DTD1: variants seen among roughly 807,000 people sequenced by gnomAD.
The protein encoded by DTD1 is D-aminoacyl-tRNA deacylase 1, also known as D-tyrosyl-tRNA deacylase 1 homolog.
DTD1 carries 13 observed loss-of-function variants against 25.6 expected under a neutral mutation model. The ratio of observed to expected loss-of-function variants is 0.51; its 90% CI spans 0.33 to 0.81. The LOEUF is 0.81. DTD1 is among the 30% of genes least tolerant of loss of function. The pLI, the probability that DTD1 is intolerant of heterozygous loss-of-function variation, is 0.02. For missense variants in DTD1, 193 were observed against 266.4 expected, an observed-to-expected ratio of 0.72 and a Z score of 1.92; for synonymous variants, 110 against 103.6, an observed-to-expected ratio of 1.06 and a Z score of -0.37.
At chr20:18,632,569 A>T (rs2060792693) in intron 4 of DTD1, 2 of 985,396 alleles carry the variant, frequency 2.0e-6, no homozygotes, top group African/African-American at 3.5e-5. Flanking sequence ...TGATAGATAA[A>T]CACGTGTTTC....
intron 4 of DTD1, among the ~76,000 whole-genome samples, chr20:18,666,999 A>T (rs2060933840): frequency 6.6e-6 from 1 of 152,192 alleles, no homozygotes; most frequent in Non-Finnish European, 1.5e-5. Flanking sequence ...CTAAAGCAGC[A>T]GCCAGCCAAA....
rs200694711 is a variant in DTD1 at position 18,759,135 on chromosome 20, C to A, written c.*20-4225C>A. 2.8e-4 allele frequency among the ~76,000 whole-genome samples: 42 copies of A among 152,276 alleles called. No individual in the cohort carries two copies. In the East Asian group the frequency reaches 5.2e-3, roughly 19 times the overall value. On this transcript the variant is annotated intron_variant, in intron 5 of 5. Transcript: ENST00000377452. ...TATTTTGAGCATATGTGTGTCTCTG[C>A]ACGTGAGATGGGTTTCCTGAATACA...
At chr20:18,623,085 G>A (rs1255472939) in intron 3 of DTD1, among the ~76,000 whole-genome samples, 4 of 151,876 alleles carry the variant, frequency 2.6e-5, no homozygotes, top group East Asian at 1.9e-4. Flanking sequence ...GAGTACAGGC[G>A]TATGCCACCA....
intron 4 of DTD1, among the ~76,000 whole-genome samples, chr20:18,652,313 C>T (rs534023871): frequency 3.4e-4 from 52 of 152,248 alleles, no homozygotes; most frequent in African/African-American, 1.2e-3. Context: ...TTTTCTAAAG[C>T]AATAAAAGAA....
intron 4 of DTD1, among the ~76,000 whole-genome samples, chr20:18,729,309 GT>G (rs1161780569): frequency 1.3e-5 from 2 of 152,222 alleles, no homozygotes; most frequent in Non-Finnish European, 2.9e-5. Context: ...GTTCATGACA[GT>G]TTTGTCGTGG....
chr20:18,708,284 A>ATTTT lies in DTD1; in HGVS notation c.478-35814_478-35813insTTTT, dbSNP rs1244588667. On this transcript the variant is annotated intron_variant, in intron 4 of 5. Coordinates refer to ENST00000377452, the MANE Select transcript of DTD1 (RefSeq NM_080820.6). Reference sequence around the variant, plus strand: ...TATATTTTATATATATATAATATATATTATATATATATAATATATATATTT... The same window carrying ATTTT: ...TATATTTTATATATATATAATATATATTTTTTATATATATATAATATATATATTT... Among the ~76,000 whole-genome samples the ATTTT allele has an allele frequency of 1.7e-3, 34 of 20,334 alleles. 3 individuals are homozygous for ATTTT. Among genetic ancestry groups the ATTTT allele is most frequent in the Non-Finnish European group, 3.5e-3 (29 of 8,398 alleles). The allele number at this position is 20,334 out of a possible 152,430, so 13.3% of individuals were successfully genotyped here.
intron 4 of DTD1, among the ~76,000 whole-genome samples, chr20:18,684,488 T>C (rs570191763): frequency 9.5e-4 from 144 of 152,286 alleles, no homozygotes; most frequent in Non-Finnish European, 1.8e-3. Flanking sequence ...GGTTTCATCG[T>C]GTTGGCTAGG....
intron 5 of DTD1, among the ~76,000 whole-genome samples, chr20:18,760,759 A>G (rs2061358305): frequency 6.6e-6 from 1 of 152,180 alleles, no homozygotes; most frequent in African/African-American, 2.4e-5. Flanking sequence ...CTCTCTTCAA[A>G]GCTGTCAGAC....
At position 18,598,367 on chromosome 20, in the gene DTD1, C is replaced by T. The variant is rs188203559; in HGVS notation, c.370+2126C>T. The stretch of plus-strand genomic sequence containing the variant: ...GTGTAGGTGCCACGTTTTCTTTATC[C>T]AGTCTATCACTGATGGACATTTGGG... On this transcript the variant is annotated intron_variant, in intron 3 of 5. Transcript: ENST00000377452. Among the ~76,000 whole-genome samples, 528 of 152,284 alleles carry T rather than the reference C, an allele frequency of 3.5e-3. 3 individuals carry two copies. The highest frequency in any genetic ancestry group is 0.012 in the African/African-American group (498 of 41,542).
intron 4 of DTD1, among the ~76,000 whole-genome samples, chr20:18,700,210 C>A (rs375627980): frequency 6.6e-6 from 1 of 152,174 alleles, no homozygotes; most frequent in African/African-American, 2.4e-5. Context: ...CTGATGCTGA[C>A]CTTGATCACT....
In DTD1 at chr20:18,612,033, G is replaced by GTTT. The variant is rs57848248; in HGVS notation, c.370+15809_370+15811dup. ...CCGTGCCCGGCTAATTAATTTTTGT[G>GTTT]TTTTTTTTTTTTTTTTTTTGAAACG... is the stretch of plus-strand genomic sequence containing the variant. On this transcript the variant is annotated intron_variant, in intron 3 of 5. Transcript: ENST00000377452. 3.7e-3 allele frequency among the ~76,000 whole-genome samples: 354 copies of GTTT among 96,636 alleles called. 8 individuals are homozygous for GTTT. Among genetic ancestry groups the GTTT allele is most frequent in the South Asian group, 0.032 (87 of 2,708 alleles). The allele number at this position is 96,636 out of a possible 152,430, so 63.4% of individuals were successfully genotyped here.
intron 4 of DTD1, among the ~76,000 whole-genome samples, chr20:18,728,783 C>G (rs1157935862): frequency 2.6e-5 from 4 of 152,146 alleles, no homozygotes; most frequent in Non-Finnish European, 5.9e-5. Context: ...CTGCCTGGGT[C>G]CCCTGGGTCT....
intron 3 of DTD1, among the ~76,000 whole-genome samples, chr20:18,602,995 T>C (rs2060641642): frequency 9.7e-6 from 1 of 103,576 alleles, no homozygotes; most frequent in Non-Finnish European, 2.2e-5. Flanking sequence ...GGATAAAGAG[T>C]CAAGACCCAT....
intron 4 of DTD1, among the ~76,000 whole-genome samples, chr20:18,695,224 C>T: frequency 6.6e-6 from 1 of 151,890 alleles, no homozygotes; most frequent in Non-Finnish European, 1.5e-5. Flanking sequence ...TAGCTGGCCG[C>T]AGAACCCAAC....
intron 4 of DTD1, among the ~76,000 whole-genome samples, chr20:18,655,928 C>T (rs1021097661): frequency 1.3e-5 from 2 of 152,120 alleles, no homozygotes; most frequent in Non-Finnish European, 2.9e-5. Flanking sequence ...CGCCACCACA[C>T]CCAGCTAATT....
chr20:18,652,250 C>G (rs2060877082), intron 4 of DTD1, among the ~76,000 whole-genome samples: 1 of 152,212 alleles, frequency 6.6e-6, no homozygotes, highest in Non-Finnish European at 1.5e-5. Context: ...CACTTCTAGG[C>G]ATTTGGGGGA....
intron 3 of DTD1, among the ~76,000 whole-genome samples, chr20:18,626,353 C>T (rs546844648): frequency 6.6e-6 from 1 of 152,308 alleles, no homozygotes; most frequent in South Asian, 2.1e-4. Context: ...CAGGGAGGCA[C>T]TCTGGTTTAC....
rs771320276 is a variant in DTD1 at position 18,744,228 on chromosome 20, C to T, written c.606C>T (p.Asp202=). 19 of 1,612,100 alleles carry T rather than the reference C, an allele frequency of 1.2e-5. No individual in the cohort carries two copies. Among genetic ancestry groups the T allele is most frequent in the Middle Eastern group, 2.2e-4 (1 of 4,468 alleles). Residue 202 remains aspartate (D), a synonymous_variant, in exon 5 of 6, where the codon GAC becomes GAT. Transcript: ENST00000377452. ...GTGCCAGCAGCGGGGCTGAGGGCGACGTGTCCTCTGAACGGGAGCCGTAGC... is the reference window on the plus strand; with the variant it reads ...GTGCCAGCAGCGGGGCTGAGGGCGATGTGTCCTCTGAACGGGAGCCGTAGC... ...DRSASSGAEG[D]VSSEREP
chr20:18,677,106 C>G (rs1374413479), intron 4 of DTD1, among the ~76,000 whole-genome samples: 1 of 152,152 alleles, frequency 6.6e-6, no homozygotes, highest in Non-Finnish European at 1.5e-5. Context: ...ACTTTATGAG[C>G]AAGTAAATAT....
Sources: gnomAD v4.1 joint callset for allele counts (sites outside exome capture counted in the v4.1 genomes callset) on GRCh38, gnomAD v4.1.1 for gene constraint, MANE v1.5 for transcripts, NCBI Gene and HGNC (gene_info 2026-07-23, HGNC 2026-07-21) for gene names.